GSE1: variants seen among roughly 807,000 people sequenced by gnomAD.
The protein encoded by GSE1 is genetic suppressor element 1.
In GSE1, 32 loss-of-function variants were observed where a neutral mutation model predicts 112.6. That is an observed-to-expected ratio of 0.28 (90% CI 0.21 to 0.38). The LOEUF (loss-of-function observed/expected upper bound fraction) is 0.38, where lower values mean the gene tolerates loss of function less well. Ranked by LOEUF, GSE1 falls within the 10% of genes least tolerant of loss-of-function variation. The probability of loss-of-function intolerance (pLI) is 1.00; values close to 1 mark genes in which losing one functional copy is unlikely to be tolerated. For missense variants in GSE1, 2,348 were observed against 1,699.2 expected, an observed-to-expected ratio of 1.38 and a Z score of -6.71; for synonymous variants, 1,115 against 735.6, an observed-to-expected ratio of 1.52 and a Z score of -8.35.
intron 1 of GSE1, among the ~76,000 whole-genome samples, chr16:85,177,401 G>A (rs570615537): frequency 6.6e-6 from 1 of 152,224 alleles, no homozygotes; most frequent in Non-Finnish European, 1.5e-5. Flanking sequence ...ACACTGAAGA[G>A]AGATGCCATG....
At position 85,300,088 on chromosome 16, in the gene GSE1, C is replaced by T. The variant is rs1017855788; in HGVS notation, c.2284-57375C>T. Among the ~76,000 whole-genome samples the T allele has an allele frequency of 1.2e-4, 18 of 152,102 alleles. No homozygotes were observed. The South Asian group carries it at 2.5e-3, about 21-fold the overall frequency. On this transcript the variant is annotated intron_variant, in intron 1 of 2. Coordinates refer to the GSE1 transcript ENST00000637419. ...GTGCAATGGCACCATCTCAGCTCAC[C>T]GTAACCTCTGCCTCCCGGGTTCAAG...
rs561292264 is a variant in GSE1, at chr16:85,237,610, G to A, written c.2283+65803G>A. 7.2e-5 allele frequency among the ~76,000 whole-genome samples: 11 copies of A among 152,124 alleles called. No individual in the cohort carries two copies. In the South Asian group the frequency reaches 1.9e-3, roughly 26 times the overall value. ...TCCCAGCACTTTGGGAGGCCGAGGC[G>A]GGCAGATCACGCGGTCAGGAGATTG... On this transcript the variant is annotated intron_variant, in intron 1 of 2. Transcript: ENST00000637419.
intron 2 of GSE1, among the ~76,000 whole-genome samples, chr16:85,358,568 G>A (rs1035603007): frequency 2.0e-5 from 3 of 152,202 alleles, no homozygotes; most frequent in Non-Finnish European, 4.4e-5. Context: ...GGACAGACAG[G>A]GGACTGCTGG....
intron 2 of GSE1, among the ~76,000 whole-genome samples, chr16:85,506,771 C>T (rs2051549145): frequency 6.6e-6 from 1 of 152,224 alleles, no homozygotes; most frequent in African/African-American, 2.4e-5. Flanking sequence ...ATTCATCAGC[C>T]GATCCGTGAG....
At chr16:85,228,566 T>C (rs1054908960) in intron 1 of GSE1, among the ~76,000 whole-genome samples, 1 of 152,218 alleles carries the variant, frequency 6.6e-6, no homozygotes, top group Non-Finnish European at 1.5e-5. Flanking sequence ...CGCCTATCTC[T>C]TGGAGTTGCC....
chr16:85,496,667 C>T (rs74389661), intron 2 of GSE1, among the ~76,000 whole-genome samples: 12,487 of 152,254 alleles, frequency 0.082, 945 homozygotes, highest in East Asian at 0.36. Context: ...ATATAGAGAG[C>T]GCTCAGGAAG....
rs2048127542 is a variant in GSE1 at position 85,613,387 on chromosome 16, C to T, written c.-5C>T. ...TCAGCCGAGGTGGAGCTGCGGGGCC[C>T]TGGCATGAAAGGTGAGCGCGCCGCA... is the stretch of plus-strand genomic sequence containing the variant. On this transcript the variant is annotated 5_prime_UTR_variant, in exon 1 of 16. Transcript: ENST00000253458. 4 of 1,566,690 alleles carry T rather than the reference C, an allele frequency of 2.6e-6. No individual in the cohort carries two copies. Among genetic ancestry groups the T allele is most frequent in the South Asian group, 2.3e-5 (2 of 85,388 alleles).
In GSE1 at chr16:85,648,688, C is replaced by T. The variant is rs564482434; in HGVS notation, c.363C>T (p.Pro121=). The T allele has an allele frequency of 6.2e-7, 1 of 1,608,752 alleles. No individual in the cohort carries two copies. The highest frequency in any genetic ancestry group is 8.5e-7 in the Non-Finnish European group (1 of 1,177,400). Residue 121 remains proline (P), a synonymous_variant, in exon 3 of 16, where the codon CCC becomes CCT. Coordinates refer to ENST00000253458, the MANE Select transcript of GSE1 (RefSeq NM_014615.5). Reference sequence around the variant, plus strand: ...GGGGCCACAGCGTGCCCAGCACCCCCCCCGTGGTGACCATCGCTCCAACCA... The same window carrying T: ...GGGGCCACAGCGTGCCCAGCACCCCTCCCGTGGTGACCATCGCTCCAACCA... ...PPGGHSVPST[P]PVVTIAPTKT...
At chr16:85,538,012 T>G (rs1013666391) in intron 2 of GSE1, among the ~76,000 whole-genome samples, 4 of 152,090 alleles carry the variant, frequency 2.6e-5, no homozygotes, top group African/African-American at 4.8e-5. Flanking sequence ...GAGCCAGAAG[T>G]GCAGCCTTGG....
At chr16:85,436,897 G>A (rs916147557) in intron 2 of GSE1, among the ~76,000 whole-genome samples, 2 of 152,244 alleles carry the variant, frequency 1.3e-5, no homozygotes, top group African/African-American at 4.8e-5. Flanking sequence ...GACTGTGGGG[G>A]CGGGCTGGAG....
intron 1 of GSE1, among the ~76,000 whole-genome samples, chr16:85,589,966 C>A (rs967875975): frequency 6.6e-6 from 1 of 151,330 alleles, no homozygotes; most frequent in African/African-American, 2.4e-5. Flanking sequence ...TGAGAGTGAT[C>A]GTGTGGTGTG....
chr16:85,653,429 G>A (rs1440586607), intron 3 of GSE1, among the ~76,000 whole-genome samples: 3 of 149,252 alleles, frequency 2.0e-5, no homozygotes, highest in African/African-American at 7.4e-5. Flanking sequence ...GTGGCTAGGG[G>A]TGGCACGGCC....
chr16:85,365,836 C>T (rs531404543), intron 2 of GSE1, among the ~76,000 whole-genome samples: 25 of 152,356 alleles, frequency 1.6e-4, no homozygotes, highest in South Asian at 1.0e-3. Flanking sequence ...TGGACTCCCT[C>T]TCCCTGAGTT....
intron 9 of GSE1, 55 bp from the exon 10 acceptor site, chr16:85,662,926 C>G: frequency 8.0e-7 from 1 of 1,247,826 alleles, no homozygotes; most frequent in South Asian, 1.2e-5. Flanking sequence ...GCGGGCATGT[C>G]CACTGGACAG....
rs55999145 is a variant in GSE1, at chr16:85,226,758, G to GGTGTGTGTGT, written c.2283+55001_2283+55010dup. 1.0e-3 allele frequency among the ~76,000 whole-genome samples: 109 copies of GGTGTGTGTGT among 104,968 alleles called. 1 individual carries two copies. Among genetic ancestry groups the GGTGTGTGTGT allele is most frequent in the East Asian group, 4.0e-3 (14 of 3,474 alleles). 68.9% of individuals were successfully genotyped at this position (104,968 alleles called of 152,430 possible). On this transcript the variant is annotated intron_variant, in intron 1 of 2. Coordinates refer to the GSE1 transcript ENST00000637419. ...GGCTGCCTGTGGTGCTGCCTGGACT[G>GGTGTGTGTGT]GTGTGTGTGTGTGTGTGTGTGTGTG...
chr16:85,611,491 C>T (rs2047980229), upstream of GSE1: 4 of 984,924 alleles, frequency 4.1e-6, no homozygotes, highest in South Asian at 1.9e-4. Context: ...TGCGGGGAAG[C>T]AGCACCCCCG....
At chr16:85,486,613 C>T (rs7196090) in intron 2 of GSE1, among the ~76,000 whole-genome samples, 73,304 of 152,054 alleles carry the variant, frequency 0.48, 19,344 homozygotes, top group African/African-American at 0.69. Context: ...TCCTCTCTCC[C>T]TGAGAGGCCT....
chr16:85,207,432 C>T (rs950750698), intron 1 of GSE1, among the ~76,000 whole-genome samples: 15 of 152,248 alleles, frequency 9.9e-5, no homozygotes, highest in South Asian at 2.1e-4. Flanking sequence ...TGCCGGCCCC[C>T]GGGTGATGGC....
At chr16:85,257,950 C>G (rs1191338568) in intron 1 of GSE1, among the ~76,000 whole-genome samples, 1 of 152,222 alleles carries the variant, frequency 6.6e-6, no homozygotes, top group East Asian at 1.9e-4. Flanking sequence ...TTCCAGGGGC[C>G]TAGGAGGGCT....
Sources: gnomAD v4.1 joint callset for allele counts (sites outside exome capture counted in the v4.1 genomes callset) on GRCh38, gnomAD v4.1.1 for gene constraint, MANE v1.5 for transcripts, NCBI Gene and HGNC (gene_info 2026-07-23, HGNC 2026-07-21) for gene names.